TSPAN9: variants seen among roughly 807,000 people sequenced by gnomAD.
The protein encoded by TSPAN9 is tetraspanin-9.
A neutral mutation model predicts 31.0 loss-of-function variants in TSPAN9; 16 were observed. The observed-to-expected ratio is 0.52, with a 90% CI of 0.35 to 0.78. The LOEUF is 0.78. TSPAN9 is among the 30% of genes least tolerant of loss of function. TSPAN9 has a pLI of 0.01. For missense variants in TSPAN9, 272 were observed against 312.5 expected, an observed-to-expected ratio of 0.87 and a Z score of 0.98; for synonymous variants, 145 against 121.6, an observed-to-expected ratio of 1.19 and a Z score of -1.27.
intron 2 of TSPAN9, among the ~76,000 whole-genome samples, chr12:3,101,896 C>T (rs2098312000): frequency 6.6e-6 from 1 of 152,190 alleles, no homozygotes; most frequent in South Asian, 2.1e-4. Context: ...AGGAATATGG[C>T]TCTGAATGGA....
At chr12:3,104,136 A>G (rs2098313106) in intron 2 of TSPAN9, among the ~76,000 whole-genome samples, 3 of 151,730 alleles carry the variant, frequency 2.0e-5, no homozygotes, top group African/African-American at 2.4e-5. Context: ...CAAGGCTGGT[A>G]CAGCTGGAGG....
At chr12:3,218,706 G>C (rs562477356) in intron 3 of TSPAN9, among the ~76,000 whole-genome samples, 2 of 152,216 alleles carry the variant, frequency 1.3e-5, no homozygotes, top group Admixed American at 6.5e-5. Flanking sequence ...GGCTGAGCCC[G>C]CTTGGCTGGG....
chr12:3,185,565 G>A (rs534056897), intron 2 of TSPAN9, among the ~76,000 whole-genome samples: 261 of 152,270 alleles, frequency 1.7e-3, no homozygotes, highest in Middle Eastern at 0.01. Flanking sequence ...CCTTCGGAGC[G>A]CCTCAGGTCA....
In TSPAN9 at chr12:3,281,809, A is replaced by T; in HGVS notation, c.640A>T (p.Ile214Phe). 1 of 1,614,132 alleles carries T rather than the reference A, an allele frequency of 6.2e-7. No individual in the cohort carries two copies. Among genetic ancestry groups the T allele is most frequent in the Non-Finnish European group, 8.5e-7 (1 of 1,180,008 alleles). ...GGGCACGGTGGGGATGTGCATCCTCATCATGCAGGTAAGAGGGGCGTCCCC... is the reference window on the plus strand; with the variant it reads ...GGGCACGGTGGGGATGTGCATCCTCTTCATGCAGGTAAGAGGGGCGTCCCC... ...VLGTVGMCIL[I>F]MQILGMAFSM... is the part of the protein sequence containing the mutation. The change falls in exon 8 of 9, where the codon ATC becomes TTC. Residue 214 changes from isoleucine (I) to phenylalanine (F), a missense_variant. Physicochemically the swap from Ile to Phe is conservative, Grantham distance 21. Transcript: ENST00000011898.
chr12:3,131,689 C>T (rs143940514), intron 2 of TSPAN9, among the ~76,000 whole-genome samples: 169 of 152,312 alleles, frequency 1.1e-3, no homozygotes, highest in African/African-American at 3.4e-3. Context: ...GGACCCTCGT[C>T]GGATAGGCCC....
At chr12:3,081,830 G>GTATATATATATATA (rs755307321) in intron 1 of TSPAN9, among the ~76,000 whole-genome samples, 4 of 38,294 alleles carry the variant, frequency 1.0e-4, no homozygotes, top group African/African-American at 5.9e-4. Flanking sequence ...GTGTGTGTGT[G>GTATATATATATATA]TGTGTCTGTG....
intron 2 of TSPAN9, among the ~76,000 whole-genome samples, chr12:3,175,755 C>T (rs1262573715): frequency 1.3e-5 from 2 of 152,194 alleles, no homozygotes; most frequent in South Asian, 4.1e-4. Context: ...CCCTGCCCCA[C>T]CTCCGTGGCT....
intron 3 of TSPAN9, among the ~76,000 whole-genome samples, chr12:3,214,265 T>C (rs1298149386): frequency 6.6e-6 from 1 of 152,242 alleles, no homozygotes; most frequent in Non-Finnish European, 1.5e-5. Flanking sequence ...CTTATCCTCA[T>C]AGTAGCGTCG....
chr12:3,227,380 A>G (rs1047038946), intron 3 of TSPAN9, among the ~76,000 whole-genome samples: 1 of 152,054 alleles, frequency 6.6e-6, no homozygotes, highest in Non-Finnish European at 1.5e-5. Flanking sequence ...CCCTCTGACA[A>G]GGGCTGGCTT....
rs1239094819 is a variant in TSPAN9, at chr12:3,285,062, T to G, written c.*1946T>G. 1.3e-5 allele frequency: 2 copies of G among 152,220 alleles called. No individual in the cohort carries two copies. Among genetic ancestry groups the G allele is most frequent in the African/African-American group, 4.8e-5 (2 of 41,436 alleles). 9.4% of individuals were successfully genotyped at this position (152,220 alleles called of 1,614,324 possible). Reference sequence around the variant, plus strand: ...TTCCCTGAGACAGGGGCAGTGGTGCTGATGGAATGTGGGGGAGGCCCACAT... The same window carrying G: ...TTCCCTGAGACAGGGGCAGTGGTGCGGATGGAATGTGGGGGAGGCCCACAT... On this transcript the variant is annotated 3_prime_UTR_variant, in exon 9 of 9. Transcript: ENST00000011898.
At chr12:3,189,021 C>T (rs2098362978) in intron 2 of TSPAN9, among the ~76,000 whole-genome samples, 1 of 152,290 alleles carries the variant, frequency 6.6e-6, no homozygotes, top group South Asian at 2.1e-4. Flanking sequence ...GTGAGCTCTC[C>T]CCGCTTGGAG....
At chr12:3,100,145 A>G (rs1209494557) in intron 2 of TSPAN9, among the ~76,000 whole-genome samples, 2 of 152,176 alleles carry the variant, frequency 1.3e-5, no homozygotes, top group East Asian at 3.9e-4. Flanking sequence ...CGCCCGGCCA[A>G]GGTCTGTCCA....
chr12:3,105,580 A>G (rs963708897), intron 2 of TSPAN9, among the ~76,000 whole-genome samples: 7 of 149,868 alleles, frequency 4.7e-5, no homozygotes, highest in African/African-American at 1.7e-4. Context: ...AGCGGGAAAC[A>G]GGGGCTTCTG....
In TSPAN9 at chr12:3,090,689, G is replaced by A. The variant is rs2098303940; in HGVS notation, c.-18+6970G>A. On this transcript the variant is annotated intron_variant, in intron 2 of 8. Coordinates refer to ENST00000011898, the MANE Select transcript of TSPAN9 (RefSeq NM_006675.5). ...GAAGGCTGGCCACGGCACAAGGAGG[G>A]TATGTGTGTTCCAGGTGGGGAGGAC... Among the ~76,000 whole-genome samples, 3 of 152,374 alleles carry A rather than the reference G, an allele frequency of 2.0e-5. No homozygotes were observed. In the South Asian group the frequency reaches 6.2e-4, roughly 32 times the overall value.
At chr12:3,217,241 A>T (rs979541028) in intron 3 of TSPAN9, among the ~76,000 whole-genome samples, 3 of 152,128 alleles carry the variant, frequency 2.0e-5, no homozygotes, top group African/African-American at 7.2e-5. Context: ...CTTGGATGCC[A>T]GGGGCTGAGG....
intron 3 of TSPAN9, among the ~76,000 whole-genome samples, chr12:3,237,196 A>G (rs538438813): frequency 3.9e-5 from 6 of 152,162 alleles, no homozygotes; most frequent in South Asian, 2.1e-4. Context: ...TCATTGTATT[A>G]TCCTGATCGA....
intron 2 of TSPAN9, among the ~76,000 whole-genome samples, chr12:3,116,494 C>G (rs61916266): frequency 1.4e-4 from 22 of 152,174 alleles, no homozygotes; most frequent in Non-Finnish European, 2.5e-4. Context: ...AAACGATACT[C>G]AAAACCGAGA....
intron 2 of TSPAN9, among the ~76,000 whole-genome samples, chr12:3,197,097 T>C (rs1565609843): frequency 1.3e-5 from 2 of 152,134 alleles, no homozygotes; most frequent in African/African-American, 4.8e-5. Flanking sequence ...GTAACACCTC[T>C]AGGGGGTAGG....
chr12:3,118,184 C>G (rs2098323297), intron 2 of TSPAN9, among the ~76,000 whole-genome samples: 1 of 150,816 alleles, frequency 6.6e-6, no homozygotes, highest in Admixed American at 6.7e-5. Flanking sequence ...GTAGAAAATC[C>G]TCATCCTCAT....
Sources: gnomAD v4.1 joint callset for allele counts (sites outside exome capture counted in the v4.1 genomes callset) on GRCh38, gnomAD v4.1.1 for gene constraint, MANE v1.5 for transcripts, NCBI Gene and HGNC (gene_info 2026-07-23, HGNC 2026-07-21) for gene names.